The following INSR variants were observed in gnomAD, a reference collection of about 807,000 sequenced individuals.
The protein encoded by INSR is insulin receptor, also known as IR.
A neutral mutation model predicts 142.6 loss-of-function variants in INSR; 67 were observed. The observed-to-expected ratio is 0.47, with a 90% CI of 0.39 to 0.58. INSR has a LOEUF of 0.58. Among genes scored for constraint, INSR ranks in the 20% least tolerant of loss-of-function variants. The pLI, the probability that INSR is intolerant of heterozygous loss-of-function variation, is 0.00. For synonymous variants in INSR, 756 were observed against 743.1 expected (o/e 1.02, Z -0.28); for missense variants, 1,248 against 1,833.2 (o/e 0.68, Z 5.83).
Position 7,268,013 on chromosome 19 carries a change from T to G in INSR, c.101-117A>C, listed in dbSNP as rs1052850713. The G allele has an allele frequency of 6.8e-6, 6 of 879,120 alleles. No homozygotes were observed. In the East Asian group the frequency reaches 7.9e-5, roughly 12 times the overall value. The allele number at this position is 879,120 out of a possible 1,614,324, so 54.5% of individuals were successfully genotyped here. A position where few individuals can be genotyped will look rare whatever the true frequency, so the allele number is the denominator to read the frequency against. ...AGGAAACCTGGGCCCTGTGTTTTCATCCCGGGCCCTGTAAACTCTGCAGCC... is the reference window on the plus strand; with the variant it reads ...AGGAAACCTGGGCCCTGTGTTTTCAGCCCGGGCCCTGTAAACTCTGCAGCC... On this transcript the variant is annotated intron_variant, in intron 1 of 21. Transcript: ENST00000302850.
chr19:7,118,253 A>G (rs1209801425), intron 21 of INSR, among the ~76,000 whole-genome samples: 1 of 151,814 alleles, frequency 6.6e-6, no homozygotes, highest in African/African-American at 2.4e-5. Flanking sequence ...ATATATATAT[A>G]TGTACATATG....
rs1276542693 is a variant in INSR, at chr19:7,149,884, GAATA to G, written c.2267+609_2267+612del. ...GGACGGACGGAGGGAGAGAGGGAGG[GAATA>G]AAGAAAAGAAAAGAAAGAAGGAAAG... On this transcript the variant is annotated intron_variant, in intron 11 of 21. Transcript: ENST00000302850. Among the ~76,000 whole-genome samples, 9 of 149,784 alleles carry G rather than the reference GAATA, an allele frequency of 6.0e-5. 1 individual carries two copies. The highest frequency in any genetic ancestry group is 3.3e-4 in the Admixed American group (5 of 14,990).
intron 2 of INSR, among the ~76,000 whole-genome samples, chr19:7,198,560 C>T (rs1466781029): frequency 6.6e-6 from 1 of 152,132 alleles, no homozygotes; most frequent in Non-Finnish European, 1.5e-5. Flanking sequence ...GAGGGGCCCC[C>T]TGACCCCAGG....
At chr19:7,194,443 C>A (rs954178180) in intron 2 of INSR, among the ~76,000 whole-genome samples, 2 of 150,338 alleles carry the variant, frequency 1.3e-5, no homozygotes, top group African/African-American at 2.4e-5. Flanking sequence ...ATTATCTTTG[C>A]CTTATTACAA....
At chr19:7,204,973 G>A (rs1292144097) in intron 2 of INSR, among the ~76,000 whole-genome samples, 2 of 148,368 alleles carry the variant, frequency 1.3e-5, no homozygotes, top group Non-Finnish European at 3.0e-5. Context: ...CATCCCAGCT[G>A]CTTGGGAGGC....
At chr19:7,245,158 G>A (rs545108615) in intron 2 of INSR, among the ~76,000 whole-genome samples, 3 of 151,890 alleles carry the variant, frequency 2.0e-5, no homozygotes, top group East Asian at 2.0e-4. Context: ...GGATGGTCTC[G>A]ATCTCCTGAC....
intron 16 of INSR, 22 bp downstream of exon 16, chr19:7,126,562 A>G (rs142409910): frequency 6.4e-7 from 1 of 1,550,400 alleles, no homozygotes; most frequent in South Asian, 1.2e-5. Context: ...CTGGCCACCC[A>G]CAGGGAAGGG....
intron 2 of INSR, among the ~76,000 whole-genome samples, chr19:7,265,232 C>T (rs959170400): frequency 2.0e-5 from 3 of 152,178 alleles, no homozygotes; most frequent in African/African-American, 7.2e-5. Context: ...ACAGTCACTA[C>T]CATGATCAGA....
At position 7,172,599 on chromosome 19, in the gene INSR, A is replaced by G. The variant is rs151090573; in HGVS notation, c.1124-165T>C. 4.1e-3 allele frequency among the ~76,000 whole-genome samples: 628 copies of G among 152,262 alleles called. 13 individuals carry two copies. In the South Asian group the frequency reaches 0.06, roughly 15 times the overall value. On this transcript the variant is annotated intron_variant, in intron 4 of 21. Transcript: ENST00000302850. ...ATCTGAAGTCCTTAGCATTCCTTAAATGGGTCAAGCATACTTCTGCCCCAG... is the reference window on the plus strand; with the variant it reads ...ATCTGAAGTCCTTAGCATTCCTTAAGTGGGTCAAGCATACTTCTGCCCCAG...
At chr19:7,220,588 C>T (rs759567015) in intron 2 of INSR, among the ~76,000 whole-genome samples, 2 of 152,178 alleles carry the variant, frequency 1.3e-5, no homozygotes, top group Non-Finnish European at 1.5e-5. Flanking sequence ...TGTGCCCGGC[C>T]ACGGATCCTA....
intron 2 of INSR, among the ~76,000 whole-genome samples, chr19:7,251,290 C>T (rs1976718564): frequency 6.6e-6 from 1 of 152,076 alleles, no homozygotes; most frequent in African/African-American, 2.4e-5. Flanking sequence ...CAGGGTCTTG[C>T]TCTGTCACGC....
chr19:7,136,215 C>A (rs8102668), intron 13 of INSR, among the ~76,000 whole-genome samples: 1 of 151,846 alleles, frequency 6.6e-6, no homozygotes, highest in Non-Finnish European at 1.5e-5. Context: ...TGGTACCAGG[C>A]TGGGGTTGAG....
At chr19:7,191,991 G>C (rs1317452941) in intron 2 of INSR, among the ~76,000 whole-genome samples, 2 of 146,244 alleles carry the variant, frequency 1.4e-5, no homozygotes, top group Admixed American at 7.0e-5. Context: ...AGGGAGGGAG[G>C]GGAGAGAGAG....
intron 13 of INSR, among the ~76,000 whole-genome samples, chr19:7,137,060 G>A (rs1430756371): frequency 6.6e-6 from 1 of 151,854 alleles, no homozygotes; most frequent in Non-Finnish European, 1.5e-5. Context: ...CTTGAACCCT[G>A]ACCTCAGGTG....
intron 13 of INSR, chr19:7,141,409 G>A (rs1973066734): frequency 1.2e-5 from 6 of 502,230 alleles, no homozygotes; most frequent in South Asian, 2.1e-5. Context: ...TGAGTCTCCT[G>A]TTGTGGTGGG....
intron 9 of INSR, among the ~76,000 whole-genome samples, chr19:7,156,353 A>C (rs1198662938): frequency 6.6e-6 from 1 of 151,928 alleles, no homozygotes. Context: ...GGGTCACCAC[A>C]CTGGGCCTCC....
chr19:7,270,931 G>C (rs749399904), intron 1 of INSR, among the ~76,000 whole-genome samples: 1 of 151,360 alleles, frequency 6.6e-6, no homozygotes, highest in Non-Finnish European at 1.5e-5. Context: ...GCGTGGTGGC[G>C]GGCACCCGTA....
At chr19:7,190,789 T>C (rs1974561063) in intron 2 of INSR, among the ~76,000 whole-genome samples, 1 of 152,200 alleles carries the variant, frequency 6.6e-6, no homozygotes, top group South Asian at 2.1e-4. Flanking sequence ...TAGTTATGTA[T>C]TGGACACAAT....
intron 2 of INSR, among the ~76,000 whole-genome samples, chr19:7,202,421 T>C (rs55707014): frequency 0.08 from 12,187 of 152,266 alleles, 666 homozygotes; most frequent in Middle Eastern, 0.12. Flanking sequence ...ATTGTCATCT[T>C]CAAATAGTCT....
Sources: allele counts gnomAD v4.1 joint callset (sites outside exome capture counted in the v4.1 genomes callset), GRCh38; gene constraint gnomAD v4.1.1; transcripts MANE v1.5; gene names NCBI Gene and HGNC (gene_info 2026-07-23, HGNC 2026-07-21).